The following COLQ variants were observed in gnomAD, a reference collection of about 807,000 sequenced individuals.
COLQ encodes acetylcholinesterase collagenic tail peptide.
A neutral mutation model predicts 69.0 loss-of-function variants in COLQ; 48 were observed. That is an observed-to-expected ratio of 0.70 (90% confidence interval 0.55 to 0.88). The LOEUF is 0.88. Among genes scored for constraint, COLQ ranks in the 40% least tolerant of loss-of-function variants. The pLI is 0.00. For missense variants in COLQ, 618 were observed against 594.6 expected (o/e 1.04, Z -0.41); for synonymous variants, 217 against 211.2 (o/e 1.03, Z -0.24).
chr3:15,515,743 T>C (rs924588007), intron 1 of COLQ, among the ~76,000 whole-genome samples: 3 of 152,034 alleles, frequency 2.0e-5, no homozygotes, highest in South Asian at 4.2e-4. Context: ...GAGGTGGAGG[T>C]TGCAGTGAGC....
At chr3:15,517,160 A>C (rs536919332) in intron 1 of COLQ, among the ~76,000 whole-genome samples, 2 of 152,322 alleles carry the variant, frequency 1.3e-5, no homozygotes, top group African/African-American at 4.8e-5. Flanking sequence ...CAAACAAAAA[A>C]GAATCCAGAG....
intron 1 of COLQ, among the ~76,000 whole-genome samples, chr3:15,497,035 CCTTTTTTT>C (rs2062755696): frequency 1.5e-5 from 2 of 136,404 alleles, no homozygotes; most frequent in Non-Finnish European, 3.0e-5. Context: ...AGTCCTTTTG[CCTTTTTTT>C]TTTTTTTTTT....
chr3:15,462,335 T>C (rs2062131614), intron 12 of COLQ, among the ~76,000 whole-genome samples: 1 of 152,088 alleles, frequency 6.6e-6, no homozygotes, highest in Non-Finnish European at 1.5e-5. Context: ...CGGCTGAATA[T>C]CTCTTTTTAA....
chr3:15,470,564 G>A lies in COLQ; in HGVS notation c.689C>T (p.Thr230Ile). The change falls in exon 11 of 17, where the codon ACA (threonine) becomes ATA (isoleucine). Residue 230 changes from threonine to isoleucine, a missense_variant. By Grantham distance (89) the Thr-to-Ile change is moderately conservative. Transcript: ENST00000383788. Reference protein sequence around the residue: ...EPGIAGHRGPTGRPGKRGKQG... With the variant: ...EPGIAGHRGPIGRPGKRGKQG... ...CTTGCCTCGTTTTCCTGGTCTTCCT[G>A]TGGGTCCTCGGTGTCCTGCTATCCC... 6.2e-7 allele frequency: 1 copy of A among 1,614,090 alleles called. No individual in the cohort carries two copies. Among genetic ancestry groups the A allele is most frequent in the Non-Finnish European group, 8.5e-7 (1 of 1,180,028 alleles).
intron 1 of COLQ, among the ~76,000 whole-genome samples, chr3:15,504,091 T>G (rs534560003): frequency 5.3e-4 from 80 of 152,006 alleles, no homozygotes; most frequent in African/African-American, 1.8e-3. Flanking sequence ...CAATCAAACA[T>G]GGATTTACCT....
chr3:15,504,519 C>T (rs748237945), intron 1 of COLQ, among the ~76,000 whole-genome samples: 3 of 152,148 alleles, frequency 2.0e-5, no homozygotes, highest in Non-Finnish European at 4.4e-5. Context: ...ACCCTAATGG[C>T]CTTATCTTAA....
At chr3:15,493,151 GA>G (rs1559526634) in intron 1 of COLQ, among the ~76,000 whole-genome samples, 1 of 152,168 alleles carries the variant, frequency 6.6e-6, no homozygotes, top group Non-Finnish European at 1.5e-5. Context: ...TCCAGACCAC[GA>G]AAATATCTGG....
intron 1 of COLQ, among the ~76,000 whole-genome samples, chr3:15,514,147 C>G (rs1243671193): frequency 6.6e-6 from 1 of 152,138 alleles, no homozygotes; most frequent in African/African-American, 2.4e-5. Context: ...GGGAGCTCGG[C>G]CTTGGCGACA....
chr3:15,451,790 C>T (rs1326772932), intron 16 of COLQ, 77 bp from the exon 17 acceptor site: 6 of 1,273,110 alleles, frequency 4.7e-6, no homozygotes, highest in East Asian at 2.3e-5. Flanking sequence ...TATCAAACAG[C>T]GGCCAAGGGC....
At chr3:15,451,866 T>A (rs908514096) in intron 16 of COLQ, among the ~76,000 whole-genome samples, 153 bp from the exon 17 acceptor site, 2 of 152,188 alleles carry the variant, frequency 1.3e-5, no homozygotes, top group Non-Finnish European at 2.9e-5. Flanking sequence ...AGTTGAATCA[T>A]GTCTCTGGGA....
chr3:15,511,465 G>A (rs1272851099), intron 1 of COLQ, among the ~76,000 whole-genome samples: 1 of 152,174 alleles, frequency 6.6e-6, no homozygotes, highest in Non-Finnish European at 1.5e-5. Context: ...AAGCATTTCT[G>A]GGGCCCAGAT....
At position 15,497,503 on chromosome 3, in the gene COLQ, C is replaced by T. The variant is rs571139237; in HGVS notation, c.107-7866G>A. On this transcript the variant is annotated intron_variant, in intron 1 of 16. Transcript: ENST00000383788. ...ATCAAGTAGCCTTCCCTCCCACCCC[C>T]TCAATCCAACAAATGTGTCATTAGA... Among the ~76,000 whole-genome samples the T allele has an allele frequency of 3.3e-5, 5 of 152,302 alleles. No individual in the cohort carries two copies. The East Asian group carries it at 9.6e-4, about 29-fold the overall frequency.
At chr3:15,499,457 C>A (rs546825557) in intron 1 of COLQ, among the ~76,000 whole-genome samples, 1 of 152,290 alleles carries the variant, frequency 6.6e-6, no homozygotes, top group Non-Finnish European at 1.5e-5. Flanking sequence ...TTGTGGGTCA[C>A]ATGGTCTCCG....
Position 15,451,090 on chromosome 3 carries a change from G to T in COLQ, c.*554C>A, listed in dbSNP as rs557314953. Reference sequence around the variant, plus strand: ...AGGCTGGGCTGGGCTGTGGCCAGTCGAGGGGTCCTTTGGCAGGTTCAAAGC... The same window carrying T: ...AGGCTGGGCTGGGCTGTGGCCAGTCTAGGGGTCCTTTGGCAGGTTCAAAGC... On this transcript the variant is annotated 3_prime_UTR_variant, in exon 17 of 17. Transcript: ENST00000383788. The T allele has an allele frequency of 6.3e-6, 1 of 159,834 alleles. No individual in the cohort carries two copies. The highest frequency in any genetic ancestry group is 1.4e-5 in the Non-Finnish European group (1 of 72,136). The allele number at this position is 159,834 out of a possible 1,614,324, so 9.9% of individuals were successfully genotyped here.
At chr3:15,486,993 G>T (rs768990573) in intron 3 of COLQ, among the ~76,000 whole-genome samples, 1 of 152,184 alleles carries the variant, frequency 6.6e-6, no homozygotes, top group South Asian at 2.1e-4. Flanking sequence ...AAACTTTGCC[G>T]CAGGATTTGA....
At chr3:15,461,972 C>T (rs1559514136) in intron 12 of COLQ, among the ~76,000 whole-genome samples, 1 of 151,596 alleles carries the variant, frequency 6.6e-6, no homozygotes, top group African/African-American at 2.4e-5. Flanking sequence ...GGATGATTAT[C>T]CAACTGGTCC....
rs778002170 is a variant in COLQ at position 15,451,530 on chromosome 3, T to C, written c.*114A>G. On this transcript the variant is annotated 3_prime_UTR_variant, in exon 17 of 17. Coordinates refer to ENST00000383788, the MANE Select transcript of COLQ (RefSeq NM_005677.4). ...TGTCTTAGTAGCAGGAATTTGTCCT[T>C]GTTTTTGTCACACAAAGGTTGGTGG... 6.0e-6 allele frequency: 6 copies of C among 994,234 alleles called. No homozygotes were observed. In the African/African-American group the frequency reaches 7.9e-5, roughly 13 times the overall value. 61.6% of individuals were successfully genotyped at this position (994,234 alleles called of 1,614,324 possible).
chr3:15,494,784 C>T (rs2062720985), intron 1 of COLQ, among the ~76,000 whole-genome samples: 1 of 152,196 alleles, frequency 6.6e-6, no homozygotes, highest in Non-Finnish European at 1.5e-5. Flanking sequence ...ACTGTGCTTT[C>T]TGGGAGAGCA....
At chr3:15,506,393 C>A (rs981199208) in intron 1 of COLQ, among the ~76,000 whole-genome samples, 1 of 152,162 alleles carries the variant, frequency 6.6e-6, no homozygotes, top group Admixed American at 6.5e-5. Flanking sequence ...AACATACAAA[C>A]AAGTATACAT....
Sources: allele counts gnomAD v4.1 joint callset (sites outside exome capture counted in the v4.1 genomes callset), GRCh38; gene constraint gnomAD v4.1.1; transcripts MANE v1.5; gene names NCBI Gene and HGNC (gene_info 2026-07-23, HGNC 2026-07-21).